RNF180: variants seen among roughly 807,000 people sequenced by gnomAD.
RNF180 encodes E3 ubiquitin-protein ligase RNF180.
RNF180 carries 38 observed loss-of-function variants against 59.2 expected under a neutral mutation model. The ratio of observed to expected loss-of-function variants is 0.64; its 90% CI spans 0.50 to 0.84. The LOEUF (loss-of-function observed/expected upper bound fraction) is 0.84. Among genes scored for constraint, RNF180 ranks in the 40% least tolerant of loss-of-function variants. The pLI is 0.00. For synonymous variants in RNF180, 262 were observed against 240.3 expected (o/e 1.09, Z -0.84); for missense variants, 705 against 700.9 (o/e 1.01, Z -0.07).
At chr5:64,340,443 T>TAAAC (rs1161415098) in intron 7 of RNF180, among the ~76,000 whole-genome samples, 1 of 152,216 alleles carries the variant, frequency 6.6e-6, no homozygotes, top group Non-Finnish European at 1.5e-5. Context: ...GCTGCAAGTT[T>TAAAC]AAACATGCTC....
chr5:64,214,380 C>A lies in RNF180; in HGVS notation c.1054C>A (p.Leu352Ile). 6.2e-7 allele frequency: 1 copy of A among 1,614,042 alleles called. No homozygotes were observed. Among genetic ancestry groups the A allele is most frequent in the Non-Finnish European group, 8.5e-7 (1 of 1,180,004 alleles). The change falls in exon 4 of 8, where the codon CTC becomes ATC. Residue 352 changes from leucine to isoleucine, a missense_variant. Physicochemically the swap from Leu to Ile is conservative, Grantham distance 5 (BLOSUM62 2). Transcript: ENST00000389100. ...MPEASDQEEHLSPLDFLHSAN... is the reference protein window; with the variant it reads ...MPEASDQEEHISPLDFLHSAN... ...GGAGGCCTCAGACCAGGAAGAGCAC[C>A]TCTCCCCTCTGGACTTCCTGCACTC...
At chr5:64,177,559 A>G (rs987290015) in intron 1 of RNF180, among the ~76,000 whole-genome samples, 36 of 105,696 alleles carry the variant, frequency 3.4e-4, no homozygotes, top group African/African-American at 1.3e-3. Context: ...ATATATATAT[A>G]TATATATGTA....
intron 1 of RNF180, among the ~76,000 whole-genome samples, chr5:64,173,174 TACAGAG>T (rs1750035622): frequency 6.6e-6 from 1 of 152,220 alleles, no homozygotes; most frequent in South Asian, 2.1e-4. Flanking sequence ...TATTTTCTTT[TACAGAG>T]ACAAATTTTA....
chr5:64,350,457 G>A (rs185609053), intron 7 of RNF180, among the ~76,000 whole-genome samples: 2 of 152,098 alleles, frequency 1.3e-5, no homozygotes, highest in African/African-American at 2.4e-5. Context: ...CATTGCTTTT[G>A]GTGTTTTAGA....
At chr5:64,237,555 T>G (rs1289491492) in intron 5 of RNF180, among the ~76,000 whole-genome samples, 1 of 152,086 alleles carries the variant, frequency 6.6e-6, no homozygotes, top group Non-Finnish European at 1.5e-5. Context: ...GATTTAAGAC[T>G]TTGGGGGATG....
intron 5 of RNF180, among the ~76,000 whole-genome samples, chr5:64,250,145 A>T (rs1743471811): frequency 1.3e-5 from 2 of 152,194 alleles, no homozygotes; most frequent in Non-Finnish European, 2.9e-5. Context: ...TAAAACCAGA[A>T]ACCAATAATA....
At chr5:64,333,739 TTTC>T (rs1011950223) in intron 7 of RNF180, among the ~76,000 whole-genome samples, 1 of 152,156 alleles carries the variant, frequency 6.6e-6, no homozygotes, top group African/African-American at 2.4e-5. Context: ...TTCCTTGTGA[TTTC>T]TTCTTGTCTT....
At chr5:64,169,646 C>T (rs1749832914) in intron 1 of RNF180, among the ~76,000 whole-genome samples, 2 of 152,154 alleles carry the variant, frequency 1.3e-5, no homozygotes, top group Admixed American at 6.5e-5. Flanking sequence ...ACCAAGTAGC[C>T]TGTTTAATTT....
intron 1 of RNF180, among the ~76,000 whole-genome samples, chr5:64,199,789 C>G (rs1294728318): frequency 6.6e-6 from 1 of 152,160 alleles, no homozygotes; most frequent in Admixed American, 6.5e-5. Flanking sequence ...CACCCTGTAC[C>G]TATTTTGGAA....
chr5:64,208,363 T>A (rs1327607108), intron 2 of RNF180, among the ~76,000 whole-genome samples: 1 of 152,038 alleles, frequency 6.6e-6, no homozygotes, highest in Non-Finnish European at 1.5e-5. Flanking sequence ...AGTTCTAATT[T>A]TCAGTCAAAT....
At chr5:64,367,450 G>A (rs959741314) in intron 7 of RNF180, among the ~76,000 whole-genome samples, 2 of 151,604 alleles carry the variant, frequency 1.3e-5, no homozygotes, top group Non-Finnish European at 3.0e-5. Flanking sequence ...AGTCAGCCAA[G>A]ATCAATTAGA....
In RNF180 at chr5:64,333,613, CTTCTATGCTATACCCAAAG is replaced by C. The variant is rs560586176; in HGVS notation, c.1579+3213_1579+3231del. On this transcript the variant is annotated intron_variant, in intron 7 of 7. Coordinates refer to ENST00000389100, the MANE Select transcript of RNF180 (RefSeq NM_001113561.2). Reference sequence around the variant, plus strand: ...TTCAAAACAGTCCCTTGTATTCTACCTTCTATGCTATACCCAAAGTTCTAAAAGAATGGAGTACCTTCTG... The same window carrying C: ...TTCAAAACAGTCCCTTGTATTCTACCTTCTAAAAGAATGGAGTACCTTCTG... Among the ~76,000 whole-genome samples the C allele has an allele frequency of 7.9e-5, 12 of 151,314 alleles. No homozygotes were observed. The South Asian group carries it at 2.5e-3, about 31-fold the overall frequency.
intron 5 of RNF180, among the ~76,000 whole-genome samples, chr5:64,248,760 A>G (rs553645543): frequency 3.0e-4 from 46 of 152,354 alleles, no homozygotes; most frequent in East Asian, 1.2e-3. Context: ...TGCTGTGTAT[A>G]TACTCAAAAG....
intron 5 of RNF180, among the ~76,000 whole-genome samples, chr5:64,263,839 T>C (rs923910770): frequency 2.6e-5 from 4 of 152,182 alleles, no homozygotes; most frequent in African/African-American, 7.2e-5. Context: ...TGCATACAGA[T>C]GTGCAATCAG....
chr5:64,182,014 CAG>C lies in RNF180; in HGVS notation c.-1+16064_-1+16065del, dbSNP rs1395017190. ...TTTTTTTTTTTTTTTTTTTTTGAGA[CAG>C]AGTCTCGCTCTGTCTTCCAGGCTGG... On this transcript the variant is annotated intron_variant, in intron 1 of 7. Coordinates refer to ENST00000389100, the MANE Select transcript of RNF180 (RefSeq NM_001113561.2). Among the ~76,000 whole-genome samples the C allele has an allele frequency of 2.7e-5, 3 of 112,616 alleles. No individual in the cohort carries two copies. In the South Asian group the frequency reaches 9.3e-4, roughly 35 times the overall value. 73.9% of individuals were successfully genotyped at this position (112,616 alleles called of 152,430 possible).
intron 5 of RNF180, among the ~76,000 whole-genome samples, chr5:64,282,344 T>C (rs893823495): frequency 3.3e-5 from 5 of 152,332 alleles, no homozygotes; most frequent in Non-Finnish European, 7.3e-5. Context: ...GAGGTGTTTG[T>C]AATAGTCTCT....
chr5:64,204,967 C>T (rs1751940727), intron 2 of RNF180, among the ~76,000 whole-genome samples: 1 of 152,118 alleles, frequency 6.6e-6, no homozygotes, highest in African/African-American at 2.4e-5. Flanking sequence ...AATAAGGAAA[C>T]TGGGGAAACA....
At chr5:64,301,978 T>C (rs888536633) in intron 5 of RNF180, among the ~76,000 whole-genome samples, 1 of 151,614 alleles carries the variant, frequency 6.6e-6, no homozygotes, top group Non-Finnish European at 1.5e-5. Flanking sequence ...TAATATGTTT[T>C]TGACCCTCTT....
Position 64,214,293 on chromosome 5 carries a change from CATACTA to C in RNF180, c.975_980del (p.Thr326_Asn327del). 2 of 1,613,992 alleles carry C rather than the reference CATACTA, an allele frequency of 1.2e-6. No individual in the cohort carries two copies. The highest frequency in any genetic ancestry group is 1.7e-6 in the Non-Finnish European group (2 of 1,180,000). On this transcript the variant is annotated inframe_deletion, in exon 4 of 8. Coordinates refer to ENST00000389100, the MANE Select transcript of RNF180 (RefSeq NM_001113561.2). ...AGAAGCTGCTTCAGTGTATTCTGAC[CATACTA>C]ATACTAACAATCTGACTTTCCTGAT... is the stretch of plus-strand genomic sequence containing the variant.
Sources: allele counts gnomAD v4.1 joint callset (sites outside exome capture counted in the v4.1 genomes callset), GRCh38; gene constraint gnomAD v4.1.1; transcripts MANE v1.5; gene names NCBI Gene and HGNC (gene_info 2026-07-23, HGNC 2026-07-21).